ADAMTSL1: variants seen among roughly 807,000 people sequenced by gnomAD.
ADAMTSL1 encodes ADAMTS-like protein 1.
A neutral mutation model predicts 201.8 loss-of-function variants in ADAMTSL1; 126 were observed. That is an observed-to-expected ratio of 0.62 (90% CI 0.54 to 0.72). ADAMTSL1 has a LOEUF of 0.72. ADAMTSL1 is among the 30% of genes least tolerant of loss of function. The pLI is 0.00. For synonymous variants in ADAMTSL1, 1,121 were observed against 903.4 expected, an observed-to-expected ratio of 1.24 and a Z score of -4.32; for missense variants, 2,679 against 2,277.8, an observed-to-expected ratio of 1.18 and a Z score of -3.59.
intron 4 of ADAMTSL1, among the ~76,000 whole-genome samples, chr9:18,620,327 T>C (rs1473068083): frequency 2.6e-5 from 4 of 152,190 alleles, no homozygotes; most frequent in Non-Finnish European, 4.4e-5. Flanking sequence ...TATCTCCCTC[T>C]GCCACTAGAT....
At chr9:18,836,638 G>T (rs549179223) in intron 23 of ADAMTSL1, among the ~76,000 whole-genome samples, 1 of 152,222 alleles carries the variant, frequency 6.6e-6, no homozygotes, top group Admixed American at 6.5e-5. Context: ...TGTGAAAAAT[G>T]AGGTTGATAG....
At chr9:18,405,300 G>A (rs1333596399) in intron 2 of ADAMTSL1, among the ~76,000 whole-genome samples, 1 of 152,166 alleles carries the variant, frequency 6.6e-6, no homozygotes, top group Non-Finnish European at 1.5e-5. Flanking sequence ...CAGCACAGCT[G>A]CTGTGTTGTC....
At chr9:18,161,883 C>G (rs911946502) in intron 1 of ADAMTSL1, among the ~76,000 whole-genome samples, 1 of 152,012 alleles carries the variant, frequency 6.6e-6, no homozygotes, top group Non-Finnish European at 1.5e-5. Context: ...AGTTATACCT[C>G]TTCTTGTTTA....
intron 4 of ADAMTSL1, among the ~76,000 whole-genome samples, chr9:18,614,878 G>T (rs1024330988): frequency 6.6e-6 from 1 of 152,202 alleles, no homozygotes; most frequent in African/African-American, 2.4e-5. Flanking sequence ...TTAACACAAA[G>T]GAGCCCTTTA....
At chr9:18,473,959 A>G (rs1821322541), upstream of ADAMTSL1, 1 of 410,922 alleles carries the variant, frequency 2.4e-6, no homozygotes, top group Admixed American at 4.3e-5. Flanking sequence ...TTTTGCTCGC[A>G]CCGTTACACT....
chr9:18,406,056 G>A (rs1818179065), intron 2 of ADAMTSL1, among the ~76,000 whole-genome samples: 1 of 152,110 alleles, frequency 6.6e-6, no homozygotes, highest in African/African-American at 2.4e-5. Context: ...TGATTAAATT[G>A]GCAAGACTTG....
At chr9:18,474,113 G>A (rs752229352), upstream of ADAMTSL1, 341 of 831,458 alleles carry the variant, frequency 4.1e-4, 4 homozygotes, top group Middle Eastern at 0.013. Flanking sequence ...TGTGAGAGGG[G>A]CTGATGGAAG....
intron 19 of ADAMTSL1, among the ~76,000 whole-genome samples, chr9:18,781,888 T>G (rs1484816564): frequency 6.6e-6 from 1 of 152,226 alleles, no homozygotes; most frequent in African/African-American, 2.4e-5. Context: ...TTCCAAAGTT[T>G]GATTTGAAAG....
chr9:18,540,016 A>C (rs185739158), intron 3 of ADAMTSL1, among the ~76,000 whole-genome samples: 5 of 152,292 alleles, frequency 3.3e-5, no homozygotes, highest in Admixed American at 3.3e-4. Context: ...TAGGATGAAT[A>C]AAAAAATGCA....
At chr9:18,649,415 G>T (rs964276030) in intron 7 of ADAMTSL1, among the ~76,000 whole-genome samples, 2 of 152,148 alleles carry the variant, frequency 1.3e-5, no homozygotes, top group Non-Finnish European at 2.9e-5. Context: ...GTCCAGCTTT[G>T]TTCCGTTGCT....
intron 7 of ADAMTSL1, among the ~76,000 whole-genome samples, chr9:18,648,924 A>G (rs1387508235): frequency 6.6e-6 from 1 of 152,012 alleles, no homozygotes; most frequent in Admixed American, 6.6e-5. Flanking sequence ...CCTGAATCTG[A>G]ATGTTGGCCT....
intron 3 of ADAMTSL1, among the ~76,000 whole-genome samples, chr9:18,545,661 A>T (rs776744805): frequency 3.3e-5 from 5 of 152,162 alleles, no homozygotes; most frequent in Non-Finnish European, 5.9e-5. Context: ...ATATAAATTT[A>T]TTAAGTCAAT....
chr9:18,367,557 T>TA (rs1258289119), intron 2 of ADAMTSL1, among the ~76,000 whole-genome samples: 3 of 151,984 alleles, frequency 2.0e-5, no homozygotes, highest in Non-Finnish European at 2.9e-5. Flanking sequence ...ATAATAGAAA[T>TA]AATTTAATAT....
chr9:18,169,200 CATGCCTA>C (rs1827776039), intron 2 of ADAMTSL1, among the ~76,000 whole-genome samples: 1 of 151,794 alleles, frequency 6.6e-6, no homozygotes, highest in Non-Finnish European at 1.5e-5. Flanking sequence ...AGTCCTTGCC[CATGCCTA>C]TGTCCTGAAT....
chr9:18,321,837 T>C (rs982241063), intron 2 of ADAMTSL1, among the ~76,000 whole-genome samples: 1 of 152,098 alleles, frequency 6.6e-6, no homozygotes, highest in Non-Finnish European at 1.5e-5. Flanking sequence ...CAGTTTTAAG[T>C]GCATTCTTTT....
chr9:18,828,666 A>ATTTT (rs1824761260), intron 22 of ADAMTSL1, among the ~76,000 whole-genome samples: 1 of 75,510 alleles, frequency 1.3e-5, no homozygotes, highest in African/African-American at 6.7e-5. Context: ...ATATTTATAT[A>ATTTT]TATATATATA....
At chr9:18,623,809 C>T (rs1199330074) in intron 5 of ADAMTSL1, among the ~76,000 whole-genome samples, 1 of 152,196 alleles carries the variant, frequency 6.6e-6, no homozygotes, top group Admixed American at 6.6e-5. Context: ...TTCAATAGAT[C>T]CCTGACTGAG....
At chr9:18,481,159 G>A (rs1307197472) in intron 1 of ADAMTSL1, among the ~76,000 whole-genome samples, 3 of 152,202 alleles carry the variant, frequency 2.0e-5, no homozygotes, top group Non-Finnish European at 2.9e-5. Context: ...TTTGTACAGC[G>A]ATATATAAAG....
intron 1 of ADAMTSL1, among the ~76,000 whole-genome samples, chr9:17,965,531 C>T (rs1465163915): frequency 1.3e-5 from 2 of 152,106 alleles, no homozygotes; most frequent in Admixed American, 6.5e-5. Flanking sequence ...GCAATCACAT[C>T]GCTTATTATT....
Sources: allele counts gnomAD v4.1 joint callset (sites outside exome capture counted in the v4.1 genomes callset), GRCh38; gene constraint gnomAD v4.1.1; transcripts MANE v1.5; gene names NCBI Gene and HGNC (gene_info 2026-07-23, HGNC 2026-07-21).